The following NAV2 variants were observed in gnomAD, a reference collection of about 807,000 sequenced individuals.
NAV2 encodes helicase, APC down-regulated 1.
Under a neutral mutation model 223.2 loss-of-function variants are expected in NAV2, and 54 were observed. The ratio of observed to expected loss-of-function variants is 0.24; its 90% confidence interval spans 0.19 to 0.30. The LOEUF (loss-of-function observed/expected upper bound fraction) is 0.30. Among genes scored for constraint, NAV2 ranks in the 10% least tolerant of loss-of-function variants. The probability of loss-of-function intolerance (pLI) is 1.00; values close to 1 mark genes in which losing one functional copy is unlikely to be tolerated. For synonymous variants in NAV2, 1,279 were observed against 1,239.3 expected (o/e 1.03, Z -0.67); for missense variants, 2,806 against 3,147.5 (o/e 0.89, Z 2.60).
chr11:19,429,438 A>G (rs933878704), intron 1 of NAV2, among the ~76,000 whole-genome samples: 9 of 152,198 alleles, frequency 5.9e-5, no homozygotes, highest in African/African-American at 1.7e-4. Flanking sequence ...TTTGGTCTCA[A>G]TGTTGATTCT....
At chr11:19,719,343 G>A (rs2050574173) in intron 1 of NAV2, among the ~76,000 whole-genome samples, 1 of 152,202 alleles carries the variant, frequency 6.6e-6, no homozygotes, top group South Asian at 2.1e-4. Flanking sequence ...GAAAGCAGAG[G>A]CCAAGGGAGG....
chr11:19,673,177 C>T (rs879702610), intron 1 of NAV2, among the ~76,000 whole-genome samples: 7 of 152,206 alleles, frequency 4.6e-5, no homozygotes, highest in African/African-American at 1.2e-4. Context: ...AATTTCCACA[C>T]GCAACCCTGT....
chr11:19,946,591 A>G, intron 9 of NAV2, 82 bp downstream of exon 9: 1 of 1,189,736 alleles, frequency 8.4e-7, no homozygotes, highest in Non-Finnish European at 1.2e-6. Context: ...TAGCAAAGCG[A>G]TTTGGTTATA....
intron 1 of NAV2, among the ~76,000 whole-genome samples, chr11:19,619,505 G>A (rs1466821326): frequency 6.6e-6 from 1 of 152,160 alleles, no homozygotes; most frequent in African/African-American, 2.4e-5. Flanking sequence ...TTTCTCTGAT[G>A]GCCAGTGATG....
intron 1 of NAV2, among the ~76,000 whole-genome samples, chr11:19,676,131 C>T (rs1207768082): frequency 6.6e-6 from 1 of 152,158 alleles, no homozygotes; most frequent in African/African-American, 2.4e-5. Context: ...TGTTTGATTT[C>T]TCTCATTTAG....
chr11:19,533,049 GT>G (rs2044076731), intron 1 of NAV2, among the ~76,000 whole-genome samples: 1 of 152,162 alleles, frequency 6.6e-6, no homozygotes, highest in African/African-American at 2.4e-5. Context: ...TTGTGAGAAC[GT>G]TTCCTGAGCT....
chr11:19,762,611 CTT>C (rs35264238), intron 1 of NAV2, among the ~76,000 whole-genome samples: 85 of 109,540 alleles, frequency 7.8e-4, no homozygotes, highest in African/African-American at 1.6e-3. Context: ...GAGAAGTCTT[CTT>C]TTTTTTTTTT....
intron 1 of NAV2, among the ~76,000 whole-genome samples, chr11:19,467,471 C>T (rs10766561): frequency 0.32 from 48,123 of 152,002 alleles, 8,110 homozygotes; most frequent in South Asian, 0.4. Context: ...TCGTGGTGTT[C>T]GCAACTGACT....
At chr11:19,732,791 G>A (rs981759619) in intron 1 of NAV2, among the ~76,000 whole-genome samples, 1 of 152,144 alleles carries the variant, frequency 6.6e-6, no homozygotes, top group Non-Finnish European at 1.5e-5. Flanking sequence ...TGTGTGCCAG[G>A]CCTACCCTGC....
At chr11:19,979,177 A>G (rs970211704) in intron 10 of NAV2, 1 of 152,234 alleles carries the variant, frequency 6.6e-6, no homozygotes, top group Non-Finnish European at 1.5e-5. Context: ...GGACTAGGAA[A>G]TGGTGTGTTC....
At chr11:19,598,244 G>T (rs2046260596) in intron 1 of NAV2, among the ~76,000 whole-genome samples, 1 of 152,182 alleles carries the variant, frequency 6.6e-6, no homozygotes, top group Non-Finnish European at 1.5e-5. Context: ...TTTCTAGCAT[G>T]CCAAAGAGAA....
At chr11:19,625,097 G>A (rs1041656826) in intron 1 of NAV2, among the ~76,000 whole-genome samples, 13 of 152,008 alleles carry the variant, frequency 8.6e-5, no homozygotes, top group Non-Finnish European at 1.5e-4. Flanking sequence ...CTAGCTAACC[G>A]AAACTATATA....
chr11:19,465,544 CT>C (rs1256228819), intron 1 of NAV2, among the ~76,000 whole-genome samples: 3 of 152,042 alleles, frequency 2.0e-5, no homozygotes, highest in African/African-American at 4.8e-5. Context: ...AATATCTGAC[CT>C]TTTTGTGTGT....
chr11:19,544,222 A>C (rs717195), intron 1 of NAV2, among the ~76,000 whole-genome samples: 44,037 of 152,084 alleles, frequency 0.29, 8,972 homozygotes, highest in African/African-American at 0.59. Flanking sequence ...ATTGAAGGAG[A>C]ATGAGAACGA....
chr11:19,985,741 T>C (rs1447201720), intron 11 of NAV2, among the ~76,000 whole-genome samples: 1 of 152,050 alleles, frequency 6.6e-6, no homozygotes, highest in East Asian at 1.9e-4. Context: ...CATGCCCAGC[T>C]AATTTTGAAT....
chr11:19,760,584 A>G (rs1391927741), intron 1 of NAV2, among the ~76,000 whole-genome samples: 6 of 152,142 alleles, frequency 3.9e-5, no homozygotes, highest in African/African-American at 1.4e-4. Context: ...GGGTCTTACT[A>G]TGCCAGGCTT....
intron 8 of NAV2, among the ~76,000 whole-genome samples, chr11:19,941,135 G>A (rs749435948): frequency 1.3e-5 from 2 of 152,116 alleles, no homozygotes; most frequent in East Asian, 1.9e-4. Context: ...AGCAGGAGCC[G>A]GAGAATATTC....
intron 1 of NAV2, among the ~76,000 whole-genome samples, chr11:19,764,875 A>T (rs566566756): frequency 2.0e-5 from 3 of 152,106 alleles, no homozygotes; most frequent in Non-Finnish European, 2.9e-5. Context: ...CAGTTGTTCA[A>T]ACTAAAAACC....
In NAV2 at chr11:19,423,997, A is replaced by G. The variant is rs148299027; in HGVS notation, c.75+72970A>G. Reference sequence around the variant, plus strand: ...ACATGTTAATGAAGGATCCCAGAAAACCACAGGGTCCCCATTTCCTTTGAA... The same window carrying G: ...ACATGTTAATGAAGGATCCCAGAAAGCCACAGGGTCCCCATTTCCTTTGAA... On this transcript the variant is annotated intron_variant, in intron 1 of 37. Coordinates refer to the NAV2 transcript ENST00000360655. Among the ~76,000 whole-genome samples, 198 of 152,250 alleles carry G rather than the reference A, an allele frequency of 1.3e-3. 1 individual carries two copies. Among genetic ancestry groups the G allele is most frequent in the African/African-American group, 4.4e-3 (184 of 41,552 alleles).
Sources: gnomAD v4.1 joint callset for allele counts (sites outside exome capture counted in the v4.1 genomes callset) on GRCh38, gnomAD v4.1.1 for gene constraint, MANE v1.5 for transcripts, NCBI Gene and HGNC (gene_info 2026-07-23, HGNC 2026-07-21) for gene names.